Variants in IL1RAPL2 observed in about 807,000 individuals in gnomAD.
The protein encoded by IL1RAPL2 is interleukin 1 receptor accessory protein like 2.
Under a neutral mutation model 44.1 loss-of-function variants are expected in IL1RAPL2, and 3 were observed. The observed-to-expected ratio is 0.07, with a 90% CI of 0.03 to 0.18. IL1RAPL2 has a LOEUF of 0.18. IL1RAPL2 is among the 10% of genes least tolerant of loss of function. The pLI is 1.00. For missense variants in IL1RAPL2, 391 were observed against 496.4 expected (o/e 0.79, Z 2.02); for synonymous variants, 181 against 178.8 (o/e 1.01, Z -0.10).
At chrX:105,299,036 G>A (rs1162781959) in intron 5 of IL1RAPL2, among the ~76,000 whole-genome samples, 3 of 111,609 alleles carry the variant, frequency 2.7e-5, no homozygotes, top group Non-Finnish European at 5.6e-5. Context: ...AATCTATAAT[G>A]AGAAATTTTT....
chrX:105,478,832 G>A (rs1299101458), intron 5 of IL1RAPL2, among the ~76,000 whole-genome samples: 1 of 111,918 alleles, frequency 8.9e-6, no homozygotes, highest in East Asian at 2.8e-4. Flanking sequence ...TTTGGAGATT[G>A]TGTTTATTTG....
chrX:105,447,688 A>C (rs1385351986), intron 5 of IL1RAPL2, among the ~76,000 whole-genome samples: 1 of 83,222 alleles, frequency 1.2e-5, no homozygotes, highest in African/African-American at 4.9e-5. Flanking sequence ...TATATTAAAA[A>C]TATAAATATA....
Position 104,862,789 on chromosome X carries a change from TTTAC to T in IL1RAPL2, c.82+203798_82+203801del, listed in dbSNP as rs776542237. 1.2e-4 allele frequency among the ~76,000 whole-genome samples: 13 copies of T among 112,106 alleles called. No homozygotes were observed. The East Asian group carries it at 2.8e-3, about 24-fold the overall frequency. ...TCCTAAAATAATAACAGGGTGTTCA[TTTAC>T]TTAGAGTTTAATATGCTTCTTTGAG... On this transcript the variant is annotated intron_variant, in intron 2 of 10. Transcript: ENST00000372582.
chrX:104,597,346 TAAAAAA>T (rs763760189), intron 1 of IL1RAPL2, among the ~76,000 whole-genome samples: 1 of 86,537 alleles, frequency 1.2e-5, no homozygotes, highest in Non-Finnish European at 2.3e-5. Flanking sequence ...CTCCATCTCT[TAAAAAA>T]AAAAAAAAAA....
At chrX:104,702,513 T>G (rs763924784) in intron 2 of IL1RAPL2, among the ~76,000 whole-genome samples, 3 of 112,436 alleles carry the variant, frequency 2.7e-5, no homozygotes, top group Non-Finnish European at 5.6e-5. Flanking sequence ...CCACTCTGAT[T>G]GCTTCAGACT....
intron 6 of IL1RAPL2, among the ~76,000 whole-genome samples, chrX:105,680,019 G>GAGAC (rs1344059464): frequency 9.0e-6 from 1 of 110,600 alleles, no homozygotes; most frequent in Non-Finnish European, 1.9e-5. Flanking sequence ...TTAATTTTTT[G>GAGAC]AGACAGAGTC....
At chrX:105,602,215 A>G (rs964352083) in intron 6 of IL1RAPL2, among the ~76,000 whole-genome samples, 1 of 106,555 alleles carries the variant, frequency 9.4e-6, no homozygotes, top group African/African-American at 3.4e-5. Flanking sequence ...TGGCAACCCC[A>G]CCCCCTACAG....
chrX:105,546,620 T>G (rs986884038), intron 6 of IL1RAPL2, among the ~76,000 whole-genome samples: 2 of 111,184 alleles, frequency 1.8e-5, no homozygotes, highest in African/African-American at 6.5e-5. Flanking sequence ...TTGTAGTATA[T>G]CTAGGAGGAT....
rs183725763 is a variant in IL1RAPL2 at position 104,936,028 on chromosome X, T to C, written c.83-259447T>C. 2.8e-3 allele frequency among the ~76,000 whole-genome samples: 311 copies of C among 112,148 alleles called. 1 individual carries two copies. Among genetic ancestry groups the C allele is most frequent in the African/African-American group, 9.4e-3 (291 of 30,886 alleles). On this transcript the variant is annotated intron_variant, in intron 2 of 10. Transcript: ENST00000372582. ...ATGAGCTGCCTTAACCTCTGTGGTT[T>C]CTACCGAGCTCAAACTTGTCCATTG...
intron 2 of IL1RAPL2, among the ~76,000 whole-genome samples, chrX:105,119,004 A>G (rs1180736807): frequency 1.8e-5 from 2 of 111,589 alleles, no homozygotes; most frequent in Non-Finnish European, 3.8e-5. Flanking sequence ...TATGGATCCC[A>G]GTATTGCAGA....
intron 6 of IL1RAPL2, among the ~76,000 whole-genome samples, chrX:105,670,744 C>A (rs1218373617): frequency 9.1e-6 from 1 of 109,421 alleles, no homozygotes; most frequent in Non-Finnish European, 1.9e-5. Context: ...TTATTTAGAT[C>A]CTTTATGATT....
At chrX:105,338,556 T>TCA (rs2147697998) in intron 5 of IL1RAPL2, among the ~76,000 whole-genome samples, 1 of 111,956 alleles carries the variant, frequency 8.9e-6, no homozygotes, top group East Asian at 2.8e-4. Context: ...TGTACTCTGT[T>TCA]ATTTTTGAAA....
At chrX:104,740,176 A>G (rs1340660490) in intron 2 of IL1RAPL2, among the ~76,000 whole-genome samples, 1 of 111,305 alleles carries the variant, frequency 9.0e-6, no homozygotes, top group Non-Finnish European at 1.9e-5. Flanking sequence ...ATTGCTTGCA[A>G]CAGTGACATG....
intron 6 of IL1RAPL2, among the ~76,000 whole-genome samples, chrX:105,544,498 T>G (rs2036773550): frequency 1.8e-5 from 2 of 111,237 alleles, no homozygotes; most frequent in Non-Finnish European, 3.8e-5. Context: ...GCAGACAACT[T>G]TGCACTGTTC....
intron 7 of IL1RAPL2, among the ~76,000 whole-genome samples, chrX:105,729,721 G>T (rs958338764): frequency 1.8e-5 from 2 of 109,379 alleles, no homozygotes; most frequent in Non-Finnish European, 3.8e-5. Context: ...CTTATCAATT[G>T]TTTTTTTCAT....
At chrX:104,623,044 G>A (rs1929429433) in intron 1 of IL1RAPL2, among the ~76,000 whole-genome samples, 1 of 110,818 alleles carries the variant, frequency 9.0e-6, no homozygotes, top group South Asian at 3.8e-4. Context: ...GTTTGAAACT[G>A]AAGCATTTTT....
chrX:105,520,923 CT>C (rs1172515228), intron 6 of IL1RAPL2, among the ~76,000 whole-genome samples: 70 of 52,319 alleles, frequency 1.3e-3, no homozygotes, highest in African/African-American at 3.1e-3. Flanking sequence ...TTCTTTCTTT[CT>C]TTTTTTTTTT....
At chrX:105,226,604 C>T (rs1311671347) in intron 3 of IL1RAPL2, among the ~76,000 whole-genome samples, 9 of 107,972 alleles carry the variant, frequency 8.3e-5, no homozygotes, top group South Asian at 4.2e-4. Context: ...AGTTTTGTTA[C>T]GTTGGCCAGG....
Position 105,748,948 on chromosome X carries a change from T to C in IL1RAPL2, c.1049-12T>C. The C allele has an allele frequency of 1.7e-6, 2 of 1,206,046 alleles. No individual in the cohort carries two copies. Among genetic ancestry groups the C allele is most frequent in the Non-Finnish European group, 2.2e-6 (2 of 891,750 alleles). ...TTTAATTACCTTTTCCTGTTTATTC[T>C]GTTCGCTCCAGATTTAATCTATAAA... On this transcript the variant is annotated splice_polypyrimidine_tract_variant and intron_variant, in intron 8 of 10. Coordinates refer to ENST00000372582, the MANE Select transcript of IL1RAPL2 (RefSeq NM_017416.2).
Sources: allele counts gnomAD v4.1 joint callset (sites outside exome capture counted in the v4.1 genomes callset), GRCh38; gene constraint gnomAD v4.1.1; transcripts MANE v1.5; gene names NCBI Gene and HGNC (gene_info 2026-07-23, HGNC 2026-07-21).